Variants in GCLC observed in about 807,000 individuals in gnomAD.
GCLC encodes glutamate-cysteine ligase catalytic subunit, also known as glutamate--cysteine ligase catalytic subunit.
In GCLC, 30 loss-of-function variants were observed where a neutral mutation model predicts 81.5. The observed-to-expected ratio is 0.37, with a 90% CI of 0.28 to 0.50. GCLC has a LOEUF of 0.50. GCLC is among the 20% of genes least tolerant of loss of function. GCLC has a pLI of 0.96. For synonymous variants in GCLC, 262 were observed against 273.3 expected, an observed-to-expected ratio of 0.96 and a Z score of 0.41; for missense variants, 556 against 777.4, an observed-to-expected ratio of 0.72 and a Z score of 3.39.
rs116533055 is a variant in GCLC at position 53,500,534 on chromosome 6, C to T, written c.1396-21G>A. The T allele has an allele frequency of 1.6e-3, 2,433 of 1,524,738 alleles. 34 individuals are homozygous for T. The African/African-American group carries it at 0.03, about 19-fold the overall frequency. 94.5% of individuals were successfully genotyped at this position (1,524,738 alleles called of 1,614,324 possible). A position where few individuals can be genotyped will look rare whatever the true frequency, so the allele number is the denominator to read the frequency against. ...TCAACCTAAGGGAAAAAAAGAATCA[C>T]GACTAAGTCAAAATATTCTTGATCA... On this transcript the variant is annotated intron_variant, in intron 12 of 15. Transcript: ENST00000650454.
chr6:53,541,857 G>A (rs1027794967), intron 1 of GCLC, among the ~76,000 whole-genome samples: 5 of 152,102 alleles, frequency 3.3e-5, no homozygotes, highest in African/African-American at 1.2e-4. Context: ...TAAGGTAAGA[G>A]CAGTGTTATC....
At chr6:53,524,554 C>G (rs536060490) in intron 1 of GCLC, among the ~76,000 whole-genome samples, 3 of 152,274 alleles carry the variant, frequency 2.0e-5, no homozygotes, top group Admixed American at 2.0e-4. Flanking sequence ...CAGGACGGAA[C>G]CCACTTACTC....
In GCLC at chr6:53,544,550, G is replaced by A. The variant is rs1462498999; in HGVS notation, c.96C>T (p.His32=). The change falls in exon 1 of 16, where the codon CAC becomes CAT. Residue 32 remains histidine (H), a synonymous_variant. Transcript: ENST00000650454. ...VRRHGILQFL[H]IYHAVKDRHK... Reference sequence around the variant, plus strand: ...GCCGGTCCTTGACGGCGTGGTAGATGTGCAGGAACTGGAGGATCCCGTGCC... The same window carrying A: ...GCCGGTCCTTGACGGCGTGGTAGATATGCAGGAACTGGAGGATCCCGTGCC... 3.7e-6 allele frequency: 6 copies of A among 1,608,766 alleles called. No individual in the cohort carries two copies. The East Asian group carries it at 1.1e-4, about 30-fold the overall frequency.
In GCLC at chr6:53,506,493, C is replaced by G. The variant is rs1764617050; in HGVS notation, c.1197+420G>C. On this transcript the variant is annotated intron_variant, in intron 10 of 15. Transcript: ENST00000650454. This position sits in a 1 kb window ranked among gnomAD's most constrained non-coding sequence, Gnocchi z 4.0. ...ATGGTATTTCAAAAGGTATATATGT[C>G]AATGTCTACATATAACATGACACAG... 1 of 236,072 alleles carries G rather than the reference C, an allele frequency of 4.2e-6. No individual in the cohort carries two copies. The highest frequency in any genetic ancestry group is 8.3e-6 in the Non-Finnish European group (1 of 120,450). The allele number at this position is 236,072 out of a possible 1,614,324, so 14.6% of individuals were successfully genotyped here. A position where few individuals can be genotyped will look rare whatever the true frequency, so the allele number is the denominator to read the frequency against.
intron 3 of GCLC, among the ~76,000 whole-genome samples, chr6:53,519,393 C>T (rs1197659443): frequency 1.3e-5 from 2 of 152,050 alleles, no homozygotes; most frequent in African/African-American, 2.4e-5. Context: ...CTATTTCACT[C>T]CTCCTGGAAC....
intron 2 of GCLC, 86 bp from the exon 3 acceptor site, chr6:53,521,046 G>T: frequency 3.9e-6 from 4 of 1,021,846 alleles, no homozygotes; most frequent in Non-Finnish European, 6.2e-6. Flanking sequence ...CTTTAAAAGT[G>T]TAGAAACCAT....
chr6:53,518,042 T>C (rs996622957), intron 3 of GCLC, among the ~76,000 whole-genome samples: 1 of 152,184 alleles, frequency 6.6e-6, no homozygotes, highest in African/African-American at 2.4e-5. Context: ...AACAAAACTT[T>C]ATCATTTATT....
chr6:53,506,534 A>G lies in GCLC; in HGVS notation c.1197+379T>C, dbSNP rs1026401355. The G allele has an allele frequency of 7.5e-5, 19 of 252,038 alleles. No individual in the cohort carries two copies. The highest frequency in any genetic ancestry group is 1.3e-4 in the Non-Finnish European group (17 of 130,184). The allele number at this position is 252,038 out of a possible 1,614,324, so 15.6% of individuals were successfully genotyped here. On this transcript the variant is annotated intron_variant, in intron 10 of 15. Coordinates refer to ENST00000650454, the MANE Select transcript of GCLC (RefSeq NM_001498.4). This position sits in a 1 kb window ranked among gnomAD's most constrained non-coding sequence, Gnocchi z 4.0. ...CATGACACAGAAATAAATCTATGAG[A>G]AGTCTATCTACAAAAAAAAAAGGTG... is the stretch of plus-strand genomic sequence containing the variant.
At chr6:53,501,196 GGCGTGAGCCACC>G (rs552056004) in intron 12 of GCLC, 265 of 157,426 alleles carry the variant, frequency 1.7e-3, no homozygotes, top group Admixed American at 3.1e-3. Flanking sequence ...TGGGATTACA[GGCGTGAGCCACC>G]GCGCCCGGCC....
chr6:53,522,741 C>T, intron 1 of GCLC: 2 of 488,092 alleles, frequency 4.1e-6, no homozygotes, highest in South Asian at 4.2e-5. Flanking sequence ...TCCATCCCTT[C>T]TTTCCTCTGT....
chr6:53,505,353 T>A, intron 12 of GCLC, 39 bp downstream of exon 12: 1 of 840,288 alleles, frequency 1.2e-6, no homozygotes, highest in Non-Finnish European at 2.1e-6. Context: ...TATCTACAGA[T>A]AGATCTATAC....
Position 53,506,191 on chromosome 6 carries a change from C to A in GCLC, c.1198-296G>T. 2.7e-6 allele frequency: 1 copy of A among 371,084 alleles called. No homozygotes were observed. Among genetic ancestry groups the A allele is most frequent in the Non-Finnish European group, 5.1e-6 (1 of 195,020 alleles). 23.0% of individuals were successfully genotyped at this position (371,084 alleles called of 1,614,324 possible). ...ATCTGAAGAGCCACGGGGCCCCCAC[C>A]TTCATCCCTGAGAATTTTAGGAGCC... On this transcript the variant is annotated intron_variant, in intron 10 of 15. Transcript: ENST00000650454. This position sits in a 1 kb window ranked among gnomAD's most constrained non-coding sequence, Gnocchi z 4.0.
At chr6:53,520,013 C>T (rs770277478) in intron 3 of GCLC, among the ~76,000 whole-genome samples, 6 of 152,148 alleles carry the variant, frequency 3.9e-5, no homozygotes, top group Non-Finnish European at 8.8e-5. Context: ...CCCCAGAGCT[C>T]CTTTGAACTT....
chr6:53,520,202 A>G (rs1762966904), intron 3 of GCLC, among the ~76,000 whole-genome samples: 2 of 152,356 alleles, frequency 1.3e-5, no homozygotes, highest in African/African-American at 4.8e-5. Context: ...ACTTTTGGTC[A>G]TAACTAGATT....
intron 1 of GCLC, among the ~76,000 whole-genome samples, chr6:53,542,782 G>A (rs1036143787): frequency 2.0e-4 from 14 of 71,388 alleles, no homozygotes; most frequent in Admixed American, 6.6e-4. Context: ...TTGGGAAGCC[G>A]AGGCGGGTGA....
chr6:53,534,316 G>A (rs1561951068), intron 1 of GCLC, among the ~76,000 whole-genome samples: 1 of 152,042 alleles, frequency 6.6e-6, no homozygotes, highest in South Asian at 2.1e-4. Flanking sequence ...CTAAATCTTG[G>A]GTGCTGGCAA....
intron 8 of GCLC, 29 bp from the exon 9 acceptor site, chr6:53,507,647 T>C: frequency 1.0e-6 from 1 of 976,716 alleles, no homozygotes; most frequent in African/African-American, 1.6e-5. Context: ...TATAAATGAA[T>C]ATGCTATATA....
chr6:53,523,655 G>A (rs1213302372), intron 1 of GCLC, among the ~76,000 whole-genome samples: 4 of 152,182 alleles, frequency 2.6e-5, no homozygotes, highest in African/African-American at 7.2e-5. Flanking sequence ...CTTTTCAGGG[G>A]TGCACACTGT....
Position 53,514,187 on chromosome 6 carries a change from T to C in GCLC, c.753+17A>G. On this transcript the variant is annotated intron_variant, in intron 6 of 15. Transcript: ENST00000650454. The stretch of plus-strand genomic sequence containing the variant: ...ATGGATGGAACACTTTGCCTCTCTG[T>C]ATATTTGAAACTATACCTGGAGACA... 5 of 1,612,820 alleles carry C rather than the reference T, an allele frequency of 3.1e-6. No homozygotes were observed. The highest frequency in any genetic ancestry group is 4.2e-6 in the Non-Finnish European group (5 of 1,178,808).
Sources: gnomAD v4.1 joint callset for allele counts (sites outside exome capture counted in the v4.1 genomes callset) on GRCh38, gnomAD v4.1.1 for gene constraint, Gnocchi (gnomAD v3.1) non-coding constraint, MANE v1.5 for transcripts, NCBI Gene and HGNC (gene_info 2026-07-23, HGNC 2026-07-21) for gene names.